MAP3K3: variants seen among roughly 807,000 people sequenced by gnomAD.
The protein encoded by MAP3K3 is mitogen-activated protein kinase kinase kinase 3.
In MAP3K3, 12 loss-of-function variants were observed where a neutral mutation model predicts 80.9. The ratio of observed to expected loss-of-function variants is 0.15; its 90% CI spans 0.10 to 0.24. MAP3K3 has a LOEUF of 0.24. Ranked by LOEUF, MAP3K3 falls within the 10% of genes least tolerant of loss-of-function variation. The pLI, the probability that MAP3K3 is intolerant of heterozygous loss-of-function variation, is 1.00. For missense variants in MAP3K3, 596 were observed against 834.7 expected, an observed-to-expected ratio of 0.71 and a Z score of 3.52; for synonymous variants, 272 against 307.1, an observed-to-expected ratio of 0.89 and a Z score of 1.19.
At position 63,648,201 on chromosome 17, in the gene MAP3K3, G is replaced by T. The variant is rs556970927; in HGVS notation, c.167+2127G>T. ...ACCCAATCTGGAAGTCCTGGCCTCT[G>T]ATCTTGACCAGACTTTCAAGCTGCT... On this transcript the variant is annotated intron_variant, in intron 3 of 15. Transcript: ENST00000361733. 4.6e-5 allele frequency among the ~76,000 whole-genome samples: 7 copies of T among 152,340 alleles called. No individual in the cohort carries two copies. In the South Asian group the frequency reaches 1.4e-3, roughly 32 times the overall value.
intron 1 of MAP3K3, among the ~76,000 whole-genome samples, chr17:63,627,883 C>T (rs1428734634): frequency 1.3e-5 from 2 of 151,700 alleles, no homozygotes; most frequent in African/African-American, 4.8e-5. Context: ...TGCGCCCGGC[C>T]TGTCACTCTT....
At chr17:63,654,612 C>CT (rs1469795264) in intron 4 of MAP3K3, among the ~76,000 whole-genome samples, 1 of 152,156 alleles carries the variant, frequency 6.6e-6, no homozygotes, top group Non-Finnish European at 1.5e-5. Context: ...TAAGATAACT[C>CT]TAACTTTTTG....
At chr17:63,623,710 T>C (rs1360348417) in intron 1 of MAP3K3, among the ~76,000 whole-genome samples, 6 of 152,250 alleles carry the variant, frequency 3.9e-5, no homozygotes, top group Non-Finnish European at 8.8e-5. Context: ...AAACGTTCTT[T>C]ACTTCTCCTG....
chr17:63,688,586 A>T lies in MAP3K3; in HGVS notation c.770A>T (p.Glu257Val), dbSNP rs767317282. ...CAGAGCTTCCCTGACAACAGACAGG[A>T]ATACTCAGGTGAGTTCCACAGAGCC... is the stretch of plus-strand genomic sequence containing the variant. Reference protein sequence around the residue: ...RAQSFPDNRQEYSDRETQLYD... With the variant: ...RAQSFPDNRQVYSDRETQLYD... The change falls in exon 9 of 16, where the codon GAA (glutamate) becomes GTA (valine). Residue 257 changes from glutamate (E) to valine (V), a missense_variant. Physicochemically the swap from Glu to Val is moderately radical, Grantham distance 121. This residue lies in a region of MAP3K3 where 364 missense variants were observed against 588.9 expected (regional missense o/e 0.62). Coordinates refer to ENST00000361733, the MANE Select transcript of MAP3K3 (RefSeq NM_002401.5). 1 of 1,614,030 alleles carries T rather than the reference A, an allele frequency of 6.2e-7. No homozygotes were observed. Among genetic ancestry groups the T allele is most frequent in the South Asian group, 1.1e-5 (1 of 91,070 alleles).
At chr17:63,624,674 A>C (rs527851837) in intron 1 of MAP3K3, among the ~76,000 whole-genome samples, 19 of 152,360 alleles carry the variant, frequency 1.2e-4, no homozygotes, top group African/African-American at 4.6e-4. Context: ...CACATGTAAA[A>C]GGAACATGCA....
chr17:63,660,215 T>C (rs2034859268), intron 5 of MAP3K3, among the ~76,000 whole-genome samples: 1 of 152,118 alleles, frequency 6.6e-6, no homozygotes, highest in Non-Finnish European at 1.5e-5. Flanking sequence ...TTCCCTTTTT[T>C]TTTGAGATGG....
At chr17:63,678,963 A>G (rs2035275585) in intron 6 of MAP3K3, among the ~76,000 whole-genome samples, 1 of 152,234 alleles carries the variant, frequency 6.6e-6, no homozygotes, top group Non-Finnish European at 1.5e-5. Flanking sequence ...CAGGAGGCGG[A>G]GGTTGCCTTG....
At chr17:63,622,805 G>C (rs1435955241) in intron 1 of MAP3K3, 42 bp downstream of exon 1, 1 of 468,050 alleles carries the variant, frequency 2.1e-6, no homozygotes, top group South Asian at 1.6e-5. Flanking sequence ...GCGCTGCTTC[G>C]CGACGCCCCG....
At chr17:63,636,189 A>G (rs757799496) in intron 2 of MAP3K3, among the ~76,000 whole-genome samples, 1 of 152,236 alleles carries the variant, frequency 6.6e-6, no homozygotes, top group African/African-American at 2.4e-5. Flanking sequence ...GACTTGAGAC[A>G]TCCTTTTCCC....
At chr17:63,688,193 T>G in intron 8 of MAP3K3, 1 of 365,146 alleles carries the variant, frequency 2.7e-6, no homozygotes, top group African/African-American at 2.1e-5. Flanking sequence ...GTGGCTGTTT[T>G]TATTACTGCC....
At position 63,685,460 on chromosome 17, in the gene MAP3K3, G is replaced by A; in HGVS notation, c.637-57G>A. 3 of 1,397,588 alleles carry A rather than the reference G, an allele frequency of 2.1e-6. No individual in the cohort carries two copies. In the Admixed American group the frequency reaches 5.0e-5, roughly 23 times the overall value. 86.6% of individuals were successfully genotyped at this position (1,397,588 alleles called of 1,614,324 possible). A position where few individuals can be genotyped will look rare whatever the true frequency, so the allele number is the denominator to read the frequency against. ...TGCTGGCCCTTGCCATAAAGCCTGG[G>A]TCACTGGGGGGAATTGGGGCTGGGG... On this transcript the variant is annotated intron_variant, in intron 7 of 15. Transcript: ENST00000361733.
At chr17:63,653,507 A>G (rs2034701178) in intron 4 of MAP3K3, among the ~76,000 whole-genome samples, 1 of 152,210 alleles carries the variant, frequency 6.6e-6, no homozygotes, top group Non-Finnish European at 1.5e-5. Flanking sequence ...TTTTTCAGTT[A>G]ATATTTCCAT....
At chr17:63,677,387 A>T (rs2035240427) in intron 6 of MAP3K3, among the ~76,000 whole-genome samples, 1 of 152,226 alleles carries the variant, frequency 6.6e-6, no homozygotes, top group Non-Finnish European at 1.5e-5. Flanking sequence ...TAAAAGTAGG[A>T]AGCAGGCAGT....
At chr17:63,678,761 G>A (rs2035271252) in intron 6 of MAP3K3, among the ~76,000 whole-genome samples, 2 of 152,250 alleles carry the variant, frequency 1.3e-5, no homozygotes, top group African/African-American at 4.8e-5. Flanking sequence ...TGGGTGCAGT[G>A]GCTGACGCCT....
chr17:63,683,163 A>G (rs2035375628), intron 7 of MAP3K3, among the ~76,000 whole-genome samples: 1 of 152,238 alleles, frequency 6.6e-6, no homozygotes, highest in Non-Finnish European at 1.5e-5. Context: ...GTGCTGTCAC[A>G]TGGGAGATCT....
intron 2 of MAP3K3, 67 bp downstream of exon 2, chr17:63,632,869 G>A (rs58142675): frequency 2.0e-5 from 32 of 1,597,962 alleles, no homozygotes; most frequent in East Asian, 1.8e-4. Flanking sequence ...GGAAATATAC[G>A]AAAAGCCAAG....
chr17:63,688,898 C>T lies in MAP3K3; in HGVS notation c.871+17C>T. The T allele has an allele frequency of 1.3e-6, 2 of 1,587,748 alleles. No individual in the cohort carries two copies. Among genetic ancestry groups the T allele is most frequent in the South Asian group, 2.2e-5 (2 of 90,530 alleles). ...ACAGTGATGGTGAGTTCTTCTTCAC[C>T]TGCTCCCTGCTGGCTGCCTCAAGAA... On this transcript the variant is annotated intron_variant, in intron 10 of 15. Coordinates refer to ENST00000361733, the MANE Select transcript of MAP3K3 (RefSeq NM_002401.5).
At chr17:63,623,276 C>T (rs1469753418) in intron 1 of MAP3K3, among the ~76,000 whole-genome samples, 1 of 152,216 alleles carries the variant, frequency 6.6e-6, no homozygotes, top group Admixed American at 6.5e-5. Flanking sequence ...TGTGCGCGCC[C>T]CAGCGCAGGG....
intron 1 of MAP3K3, among the ~76,000 whole-genome samples, chr17:63,631,895 C>T (rs1013000604): frequency 6.6e-6 from 1 of 152,150 alleles, no homozygotes; most frequent in Non-Finnish European, 1.5e-5. Flanking sequence ...TGTAAAACAA[C>T]TTCTGTTCAA....
Sources: gnomAD v4.1 joint callset for allele counts (sites outside exome capture counted in the v4.1 genomes callset) on GRCh38, gnomAD v4.1.1 for gene constraint, gnomAD v4.1.1 regional missense constraint, MANE v1.5 for transcripts, NCBI Gene and HGNC (gene_info 2026-07-23, HGNC 2026-07-21) for gene names.